The following CYP4F2 variants were observed in gnomAD, a reference collection of about 807,000 sequenced individuals.
CYP4F2 encodes cytochrome P450 4F2.
CYP4F2 carries 58 observed loss-of-function variants against 58.9 expected under a neutral mutation model. The observed-to-expected ratio is 0.98, with a 90% CI of 0.80 to 1.23. CYP4F2 has a LOEUF of 1.23. CYP4F2 is among the 50% of genes most tolerant of loss of function. CYP4F2 has a pLI of 0.00. For synonymous variants in CYP4F2, 287 were observed against 261.1 expected (o/e 1.10, Z -0.95); for missense variants, 616 against 685.6 (o/e 0.90, Z 1.13).
At chr19:15,892,165 C>G in intron 5 of CYP4F2, 144 bp downstream of exon 5, 1 of 1,384,984 alleles carries the variant, frequency 7.2e-7, no homozygotes, top group African/African-American at 1.4e-5. Context: ...TTATTATCCC[C>G]ATTTTACAGA....
intron 9 of CYP4F2, among the ~76,000 whole-genome samples, chr19:15,882,683 G>T (rs982504070): frequency 6.6e-6 from 1 of 151,408 alleles, no homozygotes; most frequent in Non-Finnish European, 1.5e-5. Context: ...ACATCACATT[G>T]TACCTCTAAT....
intron 3 of CYP4F2, 32 bp from the exon 4 acceptor site, chr19:15,892,614 G>C (rs760343784): frequency 6.2e-7 from 1 of 1,606,414 alleles, no homozygotes; most frequent in East Asian, 2.2e-5. Flanking sequence ...AGGGGCCATG[G>C]AGGCAGGTGA....
intron 10 of CYP4F2, 36 bp downstream of exon 10, chr19:15,879,728 T>G (rs1442462208): frequency 1.2e-5 from 20 of 1,613,722 alleles, no homozygotes; most frequent in Non-Finnish European, 1.7e-5. Flanking sequence ...CCCCTCTTCC[T>G]ACCCAGGAGA....
intron 9 of CYP4F2, among the ~76,000 whole-genome samples, chr19:15,881,688 CT>C (rs1386537777): frequency 6.6e-6 from 1 of 151,610 alleles, no homozygotes; most frequent in Non-Finnish European, 1.5e-5. Context: ...AAAAGCTAGT[CT>C]TATCTGTAAT....
At position 15,892,600 on chromosome 19, in the gene CYP4F2, AATCAGGGGCC is replaced by A; in HGVS notation, c.344-28_344-19del. 1 of 1,611,810 alleles carries A rather than the reference AATCAGGGGCC, an allele frequency of 6.2e-7. No homozygotes were observed. The highest frequency in any genetic ancestry group is 8.5e-7 in the Non-Finnish European group (1 of 1,178,966). ...AATGGCAGCTGACATAAATGAGGAC[AATCAGGGGCC>A]ATGGAGGCAGGTGAAAGAGGGACTT... On this transcript the variant is annotated intron_variant, in intron 3 of 12. Transcript: ENST00000221700.
Position 15,879,338 on chromosome 19 carries a change from G to A in CYP4F2, c.1397+8C>T, listed in dbSNP as rs772935847. On this transcript the variant is annotated splice_region_variant and intron_variant, in intron 12 of 12. Coordinates refer to ENST00000221700, the MANE Select transcript of CYP4F2 (RefSeq NM_001082.5). ...CCCGTTCCCACCTCAGACACAGGCC[G>A]CCCTTACCTGGGCCCTGCCGAGAAG... 9.3e-6 allele frequency: 15 copies of A among 1,614,000 alleles called. No homozygotes were observed. In the African/African-American group the frequency reaches 1.7e-4, roughly 19 times the overall value.
Position 15,895,838 on chromosome 19 carries a change from T to A in CYP4F2, c.199-188A>T, listed in dbSNP as rs76480027. On this transcript the variant is annotated intron_variant, in intron 2 of 12. Coordinates refer to ENST00000221700, the MANE Select transcript of CYP4F2 (RefSeq NM_001082.5). ...TACCCATCTATCCATCAATCCATTT[T>A]ATCTGTGCTTTCATCCATCCATATA... Among the ~76,000 whole-genome samples, 945 of 152,314 alleles carry A rather than the reference T, an allele frequency of 6.2e-3. 8 individuals carry two copies. The highest frequency in any genetic ancestry group is 0.022 in the African/African-American group (911 of 41,560).
chr19:15,883,793 G>T (rs1297945678), intron 9 of CYP4F2, among the ~76,000 whole-genome samples: 5 of 152,212 alleles, frequency 3.3e-5, no homozygotes, highest in Non-Finnish European at 7.3e-5. Flanking sequence ...GGGTGCGGTG[G>T]CTCATGCCTG....
chr19:15,894,767 C>T (rs1181908207), intron 3 of CYP4F2, among the ~76,000 whole-genome samples: 2 of 152,166 alleles, frequency 1.3e-5, no homozygotes, highest in African/African-American at 4.8e-5. Flanking sequence ...TCAGCCTCGC[C>T]CGTCCAACGA....
intron 7 of CYP4F2, among the ~76,000 whole-genome samples, chr19:15,888,374 A>C (rs1182283283): frequency 2.0e-5 from 3 of 152,114 alleles, no homozygotes; most frequent in Non-Finnish European, 2.9e-5. Context: ...GCACATAGAC[A>C]AAGTCACAAA....
At chr19:15,894,520 C>A (rs1003193176) in intron 3 of CYP4F2, among the ~76,000 whole-genome samples, 2 of 152,212 alleles carry the variant, frequency 1.3e-5, no homozygotes, top group East Asian at 3.9e-4. Flanking sequence ...GAGAGAAAGA[C>A]AGATTTCCAG....
At chr19:15,881,029 A>G (rs1245820465) in intron 9 of CYP4F2, among the ~76,000 whole-genome samples, 1 of 152,242 alleles carries the variant, frequency 6.6e-6, no homozygotes, top group African/African-American at 2.4e-5. Context: ...TGACTGCCTC[A>G]TGTCCACTTT....
chr19:15,878,997 C>A, intron 12 of CYP4F2, 61 bp from the exon 13 acceptor site: 1 of 1,590,780 alleles, frequency 6.3e-7, no homozygotes, highest in Non-Finnish European at 8.6e-7. Context: ...CCCCATCAAG[C>A]CGGTAACCTG....
At chr19:15,882,260 A>AC (rs386388628) in intron 9 of CYP4F2, among the ~76,000 whole-genome samples, 1 of 144,038 alleles carries the variant, frequency 6.9e-6, no homozygotes, top group Non-Finnish European at 1.5e-5. Context: ...TGAAAAAAAA[A>AC]AGAAAGAAAG....
Position 15,889,694 on chromosome 19 carries a change from C to T in CYP4F2, c.648-1G>A, listed in dbSNP as rs768142806. The T allele has an allele frequency of 3.7e-6, 6 of 1,613,322 alleles. No homozygotes were observed. The East Asian group carries it at 1.3e-4, about 36-fold the overall frequency. On this transcript the variant is annotated splice_acceptor_variant, in intron 6 of 12. Coordinates refer to ENST00000221700, the MANE Select transcript of CYP4F2 (RefSeq NM_001082.5). LOFTEE classifies it high-confidence loss of function. ...GGCGGCAATATATTCACTGGGTTTC[C>T]TGCAGGATAAGGGCAGAAAGGGAGG...
In CYP4F2 at chr19:15,886,328, C is replaced by T; in HGVS notation, c.919-20G>A. ...TTCATCCTGGAGAGAAGGCAGTAAC[C>T]CCCCCCAACCCCCACCCCCATAAAA... On this transcript the variant is annotated intron_variant, in intron 7 of 12. Transcript: ENST00000221700. 1 of 1,596,328 alleles carries T rather than the reference C, an allele frequency of 6.3e-7. No homozygotes were observed. Among genetic ancestry groups the T allele is most frequent in the Non-Finnish European group, 8.5e-7 (1 of 1,170,170 alleles).
At chr19:15,893,371 A>G (rs1324180483) in intron 3 of CYP4F2, among the ~76,000 whole-genome samples, 1 of 152,136 alleles carries the variant, frequency 6.6e-6, no homozygotes, top group Non-Finnish European at 1.5e-5. Context: ...CACCTGAGAC[A>G]AGAACCAAAC....
Position 15,878,841 on chromosome 19 carries a change from G to A in CYP4F2, c.1493C>T (p.Pro498Leu). ...RFRVLPDHTE[P>L]RRKPELVLRA... The stretch of plus-strand genomic sequence containing the variant: ...CAGGACCAGCTCCGGCTTCCTGCGG[G>A]GCTCGGTGTGGTCAGGCAGGACGCG... The change falls in exon 13 of 13, where the codon CCC (proline) becomes CTC (leucine). Residue 498 changes from proline (P) to leucine (L), a missense_variant. Coordinates refer to ENST00000221700, the MANE Select transcript of CYP4F2 (RefSeq NM_001082.5). The A allele has an allele frequency of 6.2e-7, 1 of 1,614,040 alleles. No individual in the cohort carries two copies. Among genetic ancestry groups the A allele is most frequent in the Non-Finnish European group, 8.5e-7 (1 of 1,179,990 alleles).
chr19:15,878,527 G>C lies in CYP4F2; in HGVS notation c.*244C>G. The C allele has an allele frequency of 1.5e-6, 1 of 647,480 alleles. No homozygotes were observed. The highest frequency in any genetic ancestry group is 3.0e-5 in the East Asian group (1 of 32,846). 40.1% of individuals were successfully genotyped at this position (647,480 alleles called of 1,614,324 possible). On this transcript the variant is annotated 3_prime_UTR_variant, in exon 13 of 13. Transcript: ENST00000221700. ...CCATTGTATGGATGGACCACATTTTGTTTATCCTTTCATCTGGTAATATAT... is the reference window on the plus strand; with the variant it reads ...CCATTGTATGGATGGACCACATTTTCTTTATCCTTTCATCTGGTAATATAT...
Sources: gnomAD v4.1 joint callset for allele counts (sites outside exome capture counted in the v4.1 genomes callset) on GRCh38, gnomAD v4.1.1 for gene constraint, MANE v1.5 for transcripts, NCBI Gene and HGNC (gene_info 2026-07-23, HGNC 2026-07-21) for gene names.